Variants in SLC25A31 observed in about 807,000 individuals in gnomAD.
SLC25A31 encodes the protein solute carrier family 25 member 31, also known as ADP/ATP translocase 4.
In SLC25A31, 40 loss-of-function variants were observed where a neutral mutation model predicts 36.2. The observed-to-expected ratio is 1.10, with a 90% confidence interval of 0.86 to 1.44. SLC25A31 has a LOEUF of 1.44. Among genes scored for constraint, SLC25A31 ranks in the 40% most tolerant of loss-of-function variants. The probability of loss-of-function intolerance (pLI) is 0.00; values close to 1 mark genes in which losing one functional copy is unlikely to be tolerated. For missense variants in SLC25A31, 350 were observed against 397.1 expected (o/e 0.88, Z 1.01); for synonymous variants, 143 against 149.7 (o/e 0.96, Z 0.32).
In SLC25A31 at chr4:127,735,869, T is replaced by TATTATTATTA. The variant is rs1369691108; in HGVS notation, c.232+5092_232+5093insATTATTATTA. 1.1e-4 allele frequency among the ~76,000 whole-genome samples: 10 copies of TATTATTATTA among 87,720 alleles called. No homozygotes were observed. The East Asian group carries it at 2.0e-3, about 17-fold the overall frequency. The allele number at this position is 87,720 out of a possible 152,430, so 57.5% of individuals were successfully genotyped here. A position where few individuals can be genotyped will look rare whatever the true frequency, so the allele number is the denominator to read the frequency against. On this transcript the variant is annotated intron_variant, in intron 1 of 5. Transcript: ENST00000281154. ...CCAAACATGCCTAACATTCTTTTAT[T>TATTATTATTA]TTATTTATTTATTTATTTATTTATT...
chr4:127,759,107 G>A (rs1320959018), intron 2 of SLC25A31, among the ~76,000 whole-genome samples: 1 of 152,012 alleles, frequency 6.6e-6, no homozygotes, highest in Non-Finnish European at 1.5e-5. Context: ...ACATGAGCAT[G>A]GAATGTTTCT....
At chr4:127,747,395 G>A (rs1376757292) in intron 2 of SLC25A31, among the ~76,000 whole-genome samples, 3 of 152,118 alleles carry the variant, frequency 2.0e-5, no homozygotes, top group African/African-American at 7.2e-5. Flanking sequence ...CTGTCCATGA[G>A]CATTGGATAT....
chr4:127,766,321 C>T (rs796880869), intron 3 of SLC25A31, among the ~76,000 whole-genome samples: 8 of 150,250 alleles, frequency 5.3e-5, no homozygotes, highest in Admixed American at 2.0e-4. Flanking sequence ...GCGACCACCA[C>T]GACGCCTGGC....
intron 1 of SLC25A31, among the ~76,000 whole-genome samples, chr4:127,742,735 GTTAT>G (rs1235642367): frequency 1.3e-5 from 2 of 152,080 alleles, no homozygotes; most frequent in Admixed American, 6.6e-5. Flanking sequence ...ATCAAATTAG[GTTAT>G]TTGAGATCTT....
At chr4:127,773,083 C>G (rs888815424) in intron 5 of SLC25A31, among the ~76,000 whole-genome samples, 13 of 152,184 alleles carry the variant, frequency 8.5e-5, no homozygotes, top group African/African-American at 2.6e-4. Flanking sequence ...ATGCCTAGCC[C>G]ATATGGTATT....
At chr4:127,760,161 C>G (rs1280707558) in intron 2 of SLC25A31, among the ~76,000 whole-genome samples, 3 of 152,162 alleles carry the variant, frequency 2.0e-5, no homozygotes, top group Non-Finnish European at 2.9e-5. Context: ...ATTTCTTGTA[C>G]TACACATATG....
At chr4:127,737,441 A>G (rs1731653411) in intron 1 of SLC25A31, among the ~76,000 whole-genome samples, 1 of 152,244 alleles carries the variant, frequency 6.6e-6, no homozygotes, top group Non-Finnish European at 1.5e-5. Context: ...CTCTTTAGTC[A>G]TAAATCTGAC....
At chr4:127,742,465 T>A (rs1560632534) in intron 1 of SLC25A31, among the ~76,000 whole-genome samples, 1 of 152,216 alleles carries the variant, frequency 6.6e-6, no homozygotes. Context: ...CACACATAGT[T>A]ACATTTCTTT....
At chr4:127,734,667 A>C (rs1010088053) in intron 1 of SLC25A31, among the ~76,000 whole-genome samples, 5 of 151,658 alleles carry the variant, frequency 3.3e-5, no homozygotes, top group African/African-American at 1.2e-4. Context: ...GCTTTCATCT[A>C]AGCTTTTCCC....
At chr4:127,751,025 C>A (rs935645013) in intron 2 of SLC25A31, among the ~76,000 whole-genome samples, 1 of 152,020 alleles carries the variant, frequency 6.6e-6, no homozygotes, top group Non-Finnish European at 1.5e-5. Context: ...TACACATATA[C>A]CCCATCAAGC....
intron 4 of SLC25A31, 110 bp downstream of exon 4, chr4:127,767,330 G>A (rs1304776674): frequency 1.9e-6 from 2 of 1,046,510 alleles, no homozygotes; most frequent in African/African-American, 1.7e-5. Context: ...AAAAATCAGT[G>A]ATGAAAAAAG....
At chr4:127,750,817 G>A (rs1731917632) in intron 2 of SLC25A31, among the ~76,000 whole-genome samples, 1 of 151,430 alleles carries the variant, frequency 6.6e-6, no homozygotes, top group Admixed American at 6.6e-5. Flanking sequence ...AAATTATGAA[G>A]GAAGACACCA....
At chr4:127,753,228 G>A (rs780544954) in intron 2 of SLC25A31, among the ~76,000 whole-genome samples, 4 of 151,890 alleles carry the variant, frequency 2.6e-5, no homozygotes, top group Non-Finnish European at 5.9e-5. Context: ...GAAGTTTATA[G>A]CAACAGAAGA....
intron 2 of SLC25A31, among the ~76,000 whole-genome samples, chr4:127,752,085 T>C (rs1053333179): frequency 1.8e-3 from 269 of 152,274 alleles, no homozygotes; most frequent in Middle Eastern, 3.4e-3. Flanking sequence ...ACCCAAAGGA[T>C]TATAAATCAT....
chr4:127,756,531 CTG>C (rs1283640457), intron 2 of SLC25A31, among the ~76,000 whole-genome samples: 1 of 152,008 alleles, frequency 6.6e-6, no homozygotes, highest in African/African-American at 2.4e-5. Context: ...CACCATGAGA[CTG>C]TAGTTAATAA....
intron 1 of SLC25A31, among the ~76,000 whole-genome samples, chr4:127,739,864 A>G (rs1280766945): frequency 6.6e-6 from 1 of 151,824 alleles, no homozygotes; most frequent in Non-Finnish European, 1.5e-5. Context: ...GGTCCAGTCA[A>G]TTGATAATTT....
chr4:127,760,992 C>A (rs944952825), intron 2 of SLC25A31, among the ~76,000 whole-genome samples: 3 of 104,396 alleles, frequency 2.9e-5, no homozygotes, highest in Non-Finnish European at 7.0e-5. Flanking sequence ...TTACAACAAC[C>A]AAAACTCACT....
At position 127,773,463 on chromosome 4, in the gene SLC25A31, C is replaced by A; in HGVS notation, c.837C>A (p.Ser279=). 1 of 1,614,000 alleles carries A rather than the reference C, an allele frequency of 6.2e-7. No individual in the cohort carries two copies. Among genetic ancestry groups the A allele is most frequent in the Non-Finnish European group, 8.5e-7 (1 of 1,179,966 alleles). Residue 279 remains serine, a synonymous_variant, in exon 6 of 6, where the codon TCC becomes TCA. Coordinates refer to ENST00000281154, the MANE Select transcript of SLC25A31 (RefSeq NM_031291.4). The part of the protein sequence containing the change: ...VKIYQHEGIS[S]FFRGAFSNVL... ...TATACCAACATGAAGGAATCAGTTCCTTTTTTCGTGGCGCCTTCTCCAATG... is the reference window on the plus strand; with the variant it reads ...TATACCAACATGAAGGAATCAGTTCATTTTTTCGTGGCGCCTTCTCCAATG...
At chr4:127,733,613 A>G (rs1731570961) in intron 1 of SLC25A31, among the ~76,000 whole-genome samples, 1 of 152,198 alleles carries the variant, frequency 6.6e-6, no homozygotes, top group Admixed American at 6.5e-5. Flanking sequence ...CTTGACTATT[A>G]TATTTTTGGT....
Sources: allele counts gnomAD v4.1 joint callset (sites outside exome capture counted in the v4.1 genomes callset), GRCh38; gene constraint gnomAD v4.1.1; transcripts MANE v1.5; gene names NCBI Gene and HGNC (gene_info 2026-07-23, HGNC 2026-07-21).